The following TBC1D5 variants were observed in gnomAD, a reference collection of about 807,000 sequenced individuals.
The protein encoded by TBC1D5 is TBC1 domain family member 5, also known as TBC1 domain family, member 5.
In TBC1D5, 75 loss-of-function variants were observed where a neutral mutation model predicts 100.3. The ratio of observed to expected loss-of-function variants is 0.75; its 90% CI spans 0.62 to 0.91. The LOEUF is 0.91. Among genes scored for constraint, TBC1D5 ranks in the 40% least tolerant of loss-of-function variants. The pLI is 0.00. For synonymous variants in TBC1D5, 323 were observed against 325.6 expected, an observed-to-expected ratio of 0.99 and a Z score of 0.09; for missense variants, 910 against 942.4, an observed-to-expected ratio of 0.97 and a Z score of 0.45.
chr3:17,519,767 G>C (rs2096041408), intron 2 of TBC1D5, among the ~76,000 whole-genome samples: 1 of 152,202 alleles, frequency 6.6e-6, no homozygotes, highest in Admixed American at 6.5e-5. Flanking sequence ...TGATTTAAGA[G>C]AACCTGTAGT....
chr3:17,401,874 C>T (rs978678191), intron 8 of TBC1D5, among the ~76,000 whole-genome samples: 1 of 152,068 alleles, frequency 6.6e-6, no homozygotes, highest in African/African-American at 2.4e-5. Context: ...GAGGCAACTC[C>T]TTCTTTTGTT....
chr3:17,446,757 G>A (rs541462754), intron 3 of TBC1D5, among the ~76,000 whole-genome samples: 1 of 152,280 alleles, frequency 6.6e-6, no homozygotes, highest in South Asian at 2.1e-4. Flanking sequence ...GGATCACGAC[G>A]TCAGGAGATT....
chr3:17,373,744 A>T (rs867986348), intron 12 of TBC1D5, among the ~76,000 whole-genome samples: 12 of 152,274 alleles, frequency 7.9e-5, no homozygotes, highest in South Asian at 4.1e-4. Context: ...GAAAGGAGTC[A>T]GTCACAAATG....
chr3:17,425,020 T>C lies in TBC1D5; in HGVS notation c.167+3430A>G, dbSNP rs941078429. Among the ~76,000 whole-genome samples the C allele has an allele frequency of 3.9e-5, 6 of 152,220 alleles. No homozygotes were observed. In the East Asian group the frequency reaches 1.2e-3, roughly 29 times the overall value. On this transcript the variant is annotated intron_variant, in intron 4 of 21. Coordinates refer to ENST00000253692, the Ensembl canonical transcript of TBC1D5. Reference sequence around the variant, plus strand: ...TAAGCTTGTTCTTAAGCACTCTTTCTGCTAACAGACAAAACATTTATTTTC... The same window carrying C: ...TAAGCTTGTTCTTAAGCACTCTTTCCGCTAACAGACAAAACATTTATTTTC...
At chr3:17,536,866 A>G (rs1179554399) in intron 2 of TBC1D5, among the ~76,000 whole-genome samples, 1 of 152,152 alleles carries the variant, frequency 6.6e-6, no homozygotes, top group Non-Finnish European at 1.5e-5. Flanking sequence ...CATAGAAAGA[A>G]ATGTTTGAGT....
At position 17,297,589 on chromosome 3, in the gene TBC1D5, T is replaced by A. The variant is rs530632115; in HGVS notation, c.1139-5588A>T. On this transcript the variant is annotated intron_variant, in intron 14 of 21. Transcript: ENST00000253692. ...AGACTCCTAAAAAAAAAAAAAAAAA[T>A]TTCTTTTTTGGAGACACATCTCATT... Among the ~76,000 whole-genome samples the A allele has an allele frequency of 4.9e-4, 72 of 148,340 alleles. 1 individual carries two copies. Among genetic ancestry groups the A allele is most frequent in the African/African-American group, 6.3e-4 (25 of 39,518 alleles).
At chr3:17,439,658 G>A (rs2094604063) in intron 3 of TBC1D5, among the ~76,000 whole-genome samples, 1 of 151,944 alleles carries the variant, frequency 6.6e-6, no homozygotes, top group Admixed American at 6.6e-5. Flanking sequence ...AGGAATTACT[G>A]TACTGTTCTT....
At chr3:17,165,932 ATG>A (rs1296748015) in intron 21 of TBC1D5, among the ~76,000 whole-genome samples, 14 of 152,198 alleles carry the variant, frequency 9.2e-5, no homozygotes, top group East Asian at 5.8e-4. Flanking sequence ...CGGAGCCTGT[ATG>A]TGTCCTCTGG....
chr3:17,204,412 C>T (rs529150386), intron 18 of TBC1D5, among the ~76,000 whole-genome samples: 62 of 152,322 alleles, frequency 4.1e-4, no homozygotes, highest in African/African-American at 1.3e-3. Context: ...AAGAAGCAAA[C>T]GCTATCAATG....
intron 13 of TBC1D5, among the ~76,000 whole-genome samples, chr3:17,345,836 C>T (rs527678579): frequency 7.4e-4 from 112 of 152,048 alleles, no homozygotes; most frequent in Admixed American, 1.1e-3. Context: ...TACCAAACAC[C>T]CCATATTCTC....
rs556884622 is a variant in TBC1D5 at position 17,659,918 on chromosome 3, G to A, written c.-100-36005C>T. Reference sequence around the variant, plus strand: ...TACTTTAATACTTGAAAAAAACCTAGTTACACATGGCAAGACAAACCACTG... The same window carrying A: ...TACTTTAATACTTGAAAAAAACCTAATTACACATGGCAAGACAAACCACTG... On this transcript the variant is annotated intron_variant, in intron 1 of 21. Transcript: ENST00000253692. Among the ~76,000 whole-genome samples, 4 of 151,932 alleles carry A rather than the reference G, an allele frequency of 2.6e-5. No homozygotes were observed. In the South Asian group the frequency reaches 6.3e-4, roughly 24 times the overall value.
At chr3:17,370,156 A>G (rs1379902711) in intron 13 of TBC1D5, among the ~76,000 whole-genome samples, 3 of 152,204 alleles carry the variant, frequency 2.0e-5, no homozygotes, top group Non-Finnish European at 2.9e-5. Context: ...GGAAACAGAA[A>G]CACTCTGGTT....
intron 1 of TBC1D5, among the ~76,000 whole-genome samples, chr3:17,710,748 T>C (rs560399800): frequency 3.3e-5 from 5 of 152,164 alleles, no homozygotes; most frequent in African/African-American, 1.2e-4. Flanking sequence ...CCCAGGCTGG[T>C]GTGCAGTGGC....
At chr3:17,387,133 TAGAA>T in intron 8 of TBC1D5, among the ~76,000 whole-genome samples, 1 of 152,196 alleles carries the variant, frequency 6.6e-6, no homozygotes, top group Admixed American at 6.5e-5. Flanking sequence ...ATAAGTAAGG[TAGAA>T]AGATAGAGAA....
intron 3 of TBC1D5, among the ~76,000 whole-genome samples, chr3:17,437,078 A>T (rs954333441): frequency 1.6e-4 from 25 of 152,192 alleles, no homozygotes; most frequent in South Asian, 4.1e-4. Context: ...TTGGTTATAA[A>T]ATAGCTTAAT....
chr3:17,428,745 T>C (rs202179887), intron 3 of TBC1D5, among the ~76,000 whole-genome samples: 4 of 151,812 alleles, frequency 2.6e-5, no homozygotes, highest in African/African-American at 9.7e-5. Flanking sequence ...ACCAAAGTAA[T>C]TGCTATCAGG....
intron 15 of TBC1D5, among the ~76,000 whole-genome samples, chr3:17,272,552 T>A (rs577136038): frequency 6.6e-6 from 1 of 152,286 alleles, no homozygotes. Context: ...AAATATTATC[T>A]CAGTCTTAAA....
chr3:17,670,695 T>C (rs1281980880), intron 1 of TBC1D5, among the ~76,000 whole-genome samples: 5 of 152,222 alleles, frequency 3.3e-5, no homozygotes, highest in African/African-American at 1.2e-4. Flanking sequence ...AGAAGCTCAA[T>C]TCTTCAAGTA....
At chr3:17,402,776 A>G (rs2093679058) in intron 8 of TBC1D5, among the ~76,000 whole-genome samples, 1 of 152,184 alleles carries the variant, frequency 6.6e-6, no homozygotes, top group African/African-American at 2.4e-5. Flanking sequence ...AGAAGTGAGG[A>G]TAAGAATAAC....
Sources: allele counts gnomAD v4.1 joint callset (sites outside exome capture counted in the v4.1 genomes callset), GRCh38; gene constraint gnomAD v4.1.1; transcripts MANE v1.5; gene names NCBI Gene and HGNC (gene_info 2026-07-23, HGNC 2026-07-21).